SPMIP7: variants seen among roughly 807,000 people sequenced by gnomAD.
The protein encoded by SPMIP7 is sperm microtubule inner protein 7.
chr7:50,105,660 A>C, the SPMIP7 span, among the ~76,000 whole-genome samples: 1 of 152,194 alleles, frequency 6.6e-6, no homozygotes, highest in Non-Finnish European at 1.5e-5. Context: ...ACATGGTAGG[A>C]CTTTATGTTT....
At chr7:50,136,433 A>G in the SPMIP7 span, among the ~76,000 whole-genome samples, 1 of 134,182 alleles carries the variant, frequency 7.5e-6, no homozygotes, top group African/African-American at 2.9e-5. Context: ...TGGGAGGCTG[A>G]GGCAGGAGAA....
At chr7:50,116,994 G>A in the SPMIP7 span, among the ~76,000 whole-genome samples, 1 of 152,150 alleles carries the variant, frequency 6.6e-6, no homozygotes, top group Non-Finnish European at 1.5e-5. Flanking sequence ...ACAATTAAAA[G>A]AAACAATAAG....
chr7:50,126,001 A>G, the SPMIP7 span, among the ~76,000 whole-genome samples: 1 of 152,142 alleles, frequency 6.6e-6, no homozygotes, highest in Admixed American at 6.5e-5. Context: ...CACACAAATG[A>G]TAACAATGGG....
chr7:50,133,325 C>G, the SPMIP7 span, among the ~76,000 whole-genome samples: 1 of 152,158 alleles, frequency 6.6e-6, no homozygotes, highest in East Asian at 1.9e-4. Context: ...TACAATTTGG[C>G]TGCATTAGTG....
At chr7:50,147,758 A>G in the SPMIP7 span, among the ~76,000 whole-genome samples, 9 of 152,192 alleles carry the variant, frequency 5.9e-5, no homozygotes, top group African/African-American at 2.2e-4. Context: ...GAACCAATTC[A>G]TTGTAGACTT....
chr7:50,141,196 C>T, the SPMIP7 span: 11 of 858,874 alleles, frequency 1.3e-5, no homozygotes, highest in South Asian at 3.8e-5. Flanking sequence ...AATAAATTTC[C>T]TTTGGAAGTT....
At chr7:50,158,905 C>G in the SPMIP7 span, 33 of 764,038 alleles carry the variant, frequency 4.3e-5, no homozygotes, top group African/African-American at 4.9e-4. Context: ...TGCTCCCCAG[C>G]ACGAGTCATC....
chr7:50,101,148 A>G, the SPMIP7 span, among the ~76,000 whole-genome samples: 1 of 152,324 alleles, frequency 6.6e-6, no homozygotes, highest in Non-Finnish European at 1.5e-5. Context: ...TTTACTTCCC[A>G]TGTTGACATT....
the SPMIP7 span, among the ~76,000 whole-genome samples, chr7:50,116,621 T>A: frequency 0.02 from 3,117 of 152,320 alleles, 93 homozygotes; most frequent in African/African-American, 0.07. Context: ...GGCAATATGC[T>A]ATTATCTGGA....
At chr7:50,146,952 T>C in the SPMIP7 span, among the ~76,000 whole-genome samples, 2 of 152,194 alleles carry the variant, frequency 1.3e-5, no homozygotes, top group East Asian at 3.8e-4. Context: ...TGATGGCCAA[T>C]TATAGGTGAG....
the SPMIP7 span, among the ~76,000 whole-genome samples, chr7:50,123,381 C>A: frequency 1.5e-5 from 2 of 129,208 alleles, no homozygotes; most frequent in Non-Finnish European, 3.2e-5. Context: ...AACACATGGA[C>A]ACAGGAAGGG....
the SPMIP7 span, among the ~76,000 whole-genome samples, chr7:50,107,327 C>T: frequency 9.1e-5 from 12 of 132,538 alleles, no homozygotes; most frequent in South Asian, 2.4e-4. Flanking sequence ...CTGCACTCCA[C>T]GCTCCAATCT....
At chr7:50,128,566 C>T in the SPMIP7 span, among the ~76,000 whole-genome samples, 1 of 151,940 alleles carries the variant, frequency 6.6e-6, no homozygotes, top group African/African-American at 2.4e-5. Context: ...ATCAAATTAT[C>T]ACATTTACCC....
the SPMIP7 span, chr7:50,141,464 A>G: frequency 1.1e-6 from 1 of 924,754 alleles, no homozygotes. Flanking sequence ...ACCATAAATG[A>G]AGGAATTTAA....
At chr7:50,110,997 T>A in the SPMIP7 span, among the ~76,000 whole-genome samples, 115 of 143,644 alleles carry the variant, frequency 8.0e-4, no homozygotes, top group Non-Finnish European at 1.4e-3. Context: ...AATAAATATA[T>A]ATGTAATATC....
chr7:50,131,138 G>A, the SPMIP7 span, among the ~76,000 whole-genome samples: 1 of 152,182 alleles, frequency 6.6e-6, no homozygotes, highest in Non-Finnish European at 1.5e-5. Context: ...GGTTATTGTT[G>A]TCATTTAGGA....
the SPMIP7 span, among the ~76,000 whole-genome samples, chr7:50,114,946 C>T: frequency 2.7e-5 from 4 of 150,938 alleles, no homozygotes; most frequent in African/African-American, 9.8e-5. Flanking sequence ...AGTAGAGACA[C>T]TTGAACCTGG....
At chr7:50,122,880 C>A in the SPMIP7 span, among the ~76,000 whole-genome samples, 6 of 152,114 alleles carry the variant, frequency 3.9e-5, no homozygotes, top group Non-Finnish European at 8.8e-5. Context: ...CCATTTCACA[C>A]TAGTTAGAAT....
the SPMIP7 span, among the ~76,000 whole-genome samples, chr7:50,109,450 A>C: frequency 6.6e-6 from 1 of 152,080 alleles, no homozygotes; most frequent in Non-Finnish European, 1.5e-5. Context: ...ATCTTAGCTC[A>C]CTGCAACCTC....
Sources: allele counts gnomAD v4.1 joint callset (sites outside exome capture counted in the v4.1 genomes callset), GRCh38; gene constraint gnomAD v4.1.1; transcripts MANE v1.5; gene names NCBI Gene and HGNC (gene_info 2026-07-23, HGNC 2026-07-21).